Variants in SCN8A observed in about 807,000 individuals in gnomAD.
SCN8A encodes the protein sodium channel protein type 8 subunit alpha.
In SCN8A, 30 loss-of-function variants were observed where a neutral mutation model predicts 184.1. The ratio of observed to expected loss-of-function variants is 0.16; its 90% confidence interval spans 0.12 to 0.22. The LOEUF is 0.22. Among genes scored for constraint, SCN8A ranks in the 10% least tolerant of loss-of-function variants. SCN8A has a pLI of 1.00. For missense variants in SCN8A, 1,057 were observed against 2,498.9 expected, an observed-to-expected ratio of 0.42 and a Z score of 12.30; for synonymous variants, 852 against 907.0, an observed-to-expected ratio of 0.94 and a Z score of 1.09.
chr12:51,807,211 C>T lies in SCN8A; in HGVS notation c.5725C>T (p.His1909Tyr), dbSNP rs758646467. 2 of 1,613,946 alleles carry T rather than the reference C, an allele frequency of 1.2e-6. No homozygotes were observed. The highest frequency in any genetic ancestry group is 1.7e-6 in the Non-Finnish European group (2 of 1,179,888). ...AVVLQRAYRG[H>Y]LARRGFICKK... Reference sequence around the variant, plus strand: ...GGTCCTGCAGCGTGCCTACCGGGGACATTTGGCAAGGCGGGGCTTCATCTG... The same window carrying T: ...GGTCCTGCAGCGTGCCTACCGGGGATATTTGGCAAGGCGGGGCTTCATCTG... The change falls in exon 27 of 27, where the codon CAT (histidine) becomes TAT (tyrosine). Residue 1909 changes from histidine (H) to tyrosine (Y), a missense_variant. Transcript: ENST00000627620. The surrounding 1 kb of genome is among the most constrained non-coding windows in gnomAD (Gnocchi z 4.5).
At chr12:51,663,485 G>A (rs1164651426) in intron 2 of SCN8A, among the ~76,000 whole-genome samples, 1 of 152,200 alleles carries the variant, frequency 6.6e-6, no homozygotes, top group Non-Finnish European at 1.5e-5. Flanking sequence ...GAGTAGTGTG[G>A]TGGAGATGGT....
intron 20 of SCN8A, among the ~76,000 whole-genome samples, chr12:51,779,390 C>G (rs1044710001): frequency 2.6e-5 from 4 of 152,136 alleles, no homozygotes; most frequent in Non-Finnish European, 5.9e-5. Flanking sequence ...GGTAACTGCT[C>G]TGAGAGCTCT....
At chr12:51,724,750 A>G (rs1219846092) in intron 12 of SCN8A, among the ~76,000 whole-genome samples, 1 of 152,270 alleles carries the variant, frequency 6.6e-6, no homozygotes, top group Non-Finnish European at 1.5e-5. Flanking sequence ...AAGCCAAATA[A>G]TGCAGCTTGC....
At chr12:51,601,178 C>T (rs1939455827) in intron 1 of SCN8A, among the ~76,000 whole-genome samples, 1 of 152,186 alleles carries the variant, frequency 6.6e-6, no homozygotes, top group African/African-American at 2.4e-5. Context: ...TCCATAAACA[C>T]CACTTAACTG....
intron 2 of SCN8A, among the ~76,000 whole-genome samples, chr12:51,682,803 C>T (rs1941357717): frequency 6.6e-6 from 1 of 151,984 alleles, no homozygotes; most frequent in African/African-American, 2.4e-5. Flanking sequence ...TCTAGTAGGC[C>T]CTTGCATCTC....
intron 6 of SCN8A, among the ~76,000 whole-genome samples, chr12:51,697,570 G>T (rs1176864099): frequency 6.6e-6 from 1 of 152,180 alleles, no homozygotes; most frequent in African/African-American, 2.4e-5. Flanking sequence ...TATGAGGTTA[G>T]CCCTGAGCAG....
At position 51,799,139 on chromosome 12, in the gene SCN8A, T is replaced by C. The variant is rs565557882; in HGVS notation, c.4795+4498T>C. Among the ~76,000 whole-genome samples, 14 of 152,294 alleles carry C rather than the reference T, an allele frequency of 9.2e-5. No homozygotes were observed. The South Asian group carries it at 2.9e-3, about 32-fold the overall frequency. ...CTTCTCTTCTTCTGTCAGTTGATCA[T>C]AGCGAACTCCCCATGAGGCCATCTC... On this transcript the variant is annotated intron_variant, in intron 26 of 26. Coordinates refer to ENST00000627620, the MANE Select transcript of SCN8A (RefSeq NM_001330260.2).
intron 12 of SCN8A, among the ~76,000 whole-genome samples, chr12:51,735,435 A>G (rs890832757): frequency 2.6e-5 from 4 of 152,146 alleles, no homozygotes; most frequent in African/African-American, 9.7e-5. Context: ...GGTATGCCTC[A>G]ATTATAGGAG....
chr12:51,622,775 G>C (rs780890978), intron 1 of SCN8A, among the ~76,000 whole-genome samples: 15 of 152,102 alleles, frequency 9.9e-5, no homozygotes, highest in Non-Finnish European at 2.2e-4. Context: ...GCCCACGCTT[G>C]GGGGAGGAGG....
At chr12:51,782,611 A>C (rs1451658191) in intron 21 of SCN8A, among the ~76,000 whole-genome samples, 6 of 152,172 alleles carry the variant, frequency 3.9e-5, no homozygotes, top group African/African-American at 1.4e-4. Context: ...ATCCCCCTAC[A>C]AAAGAAATGC....
intron 20 of SCN8A, among the ~76,000 whole-genome samples, chr12:51,779,537 ATGT>A (rs1937830724): frequency 6.6e-6 from 1 of 152,120 alleles, no homozygotes. Flanking sequence ...TCCTGTTGGA[ATGT>A]TGTTGTGTAA....
chr12:51,769,107 C>T lies in SCN8A; in HGVS notation c.3144C>T (p.His1048=), dbSNP rs2138868606. ...AGAAGGCCAACTGTATCGCCAATCA[C>T]ACCGGTGCAGACATCCACCGGAATG... ...YEKKANCIAN[H]TGADIHRNGD... Residue 1048 remains histidine, a synonymous_variant, in exon 17 of 27, where the codon CAC becomes CAT. Transcript: ENST00000627620. 3 of 1,613,614 alleles carry T rather than the reference C, an allele frequency of 1.9e-6. No homozygotes were observed. Among genetic ancestry groups the T allele is most frequent in the Non-Finnish European group, 2.5e-6 (3 of 1,179,716 alleles).
chr12:51,712,246 A>C (rs763346839), intron 11 of SCN8A, among the ~76,000 whole-genome samples: 1 of 152,236 alleles, frequency 6.6e-6, no homozygotes, highest in Non-Finnish European at 1.5e-5. Context: ...CAATAGCTGC[A>C]CTTCCTGCAA....
In SCN8A at chr12:51,806,678, G is replaced by C; in HGVS notation, c.5192G>C (p.Gly1731Ala). The change falls in exon 27 of 27, where the codon GGC becomes GCC. Residue 1731 changes from glycine to alanine, a missense_variant. This residue lies in a region of SCN8A where 21 missense variants were observed against 42.3 expected (regional missense o/e 0.50). Transcript: ENST00000627620. The surrounding 1 kb of genome is among the most constrained non-coding windows in gnomAD (Gnocchi z 8.7). The part of the protein sequence containing the change: ...CSLDKEHPGS[G>A]FKGDCGNPSV... ...CTAGATAAGGAACACCCAGGGAGTG[G>C]CTTTAAGGGAGATTGTGGGAACCCC... 6.2e-7 allele frequency: 1 copy of C among 1,614,152 alleles called. No homozygotes were observed. Among genetic ancestry groups the C allele is most frequent in the Non-Finnish European group, 8.5e-7 (1 of 1,180,016 alleles).
At chr12:51,677,805 A>G (rs1482052098) in intron 2 of SCN8A, among the ~76,000 whole-genome samples, 1 of 152,210 alleles carries the variant, frequency 6.6e-6, no homozygotes, top group African/African-American at 2.4e-5. Context: ...GTGCTGAAAC[A>G]CATTCAGTGG....
intron 19 of SCN8A, among the ~76,000 whole-genome samples, chr12:51,771,758 CACA>C: frequency 6.6e-6 from 1 of 152,220 alleles, no homozygotes. Context: ...CGAGCATTCA[CACA>C]ACACTTCCTG....
Position 51,706,696 on chromosome 12 carries a change from A to C in SCN8A, c.1616A>C (p.Lys539Thr). 2 of 1,546,876 alleles carry C rather than the reference A, an allele frequency of 1.3e-6. No individual in the cohort carries two copies. The highest frequency in any genetic ancestry group is 1.7e-6 in the Non-Finnish European group (2 of 1,152,378). The change falls in exon 11 of 27, where the codon AAA (lysine) becomes ACA (threonine). Residue 539 changes from lysine to threonine, a missense_variant. Lys to Thr is a moderately conservative substitution (Grantham distance 78). Transcript: ENST00000627620. ...CTGCCAGACAACAGAATAGGGAGGA[A>C]ATTTTCCATCATGAATCAGGTAAAC... The part of the protein sequence containing the change: ...FRLPDNRIGR[K>T]FSIMNQSLLS...
chr12:51,752,682 T>C (rs1418162071), intron 14 of SCN8A, among the ~76,000 whole-genome samples: 7 of 152,092 alleles, frequency 4.6e-5, no homozygotes, highest in Admixed American at 4.6e-4. Flanking sequence ...CCCGGAGTCT[T>C]GAAATGGGAC....
At chr12:51,712,328 C>G in intron 11 of SCN8A, 1 of 579,380 alleles carries the variant, frequency 1.7e-6, no homozygotes, top group South Asian at 2.1e-5. Context: ...GACTATGGAT[C>G]ATCCTTCCTT....
Sources: gnomAD v4.1 joint callset for allele counts (sites outside exome capture counted in the v4.1 genomes callset) on GRCh38, gnomAD v4.1.1 for gene constraint, gnomAD v4.1.1 regional missense constraint, Gnocchi (gnomAD v3.1) non-coding constraint, MANE v1.5 for transcripts, NCBI Gene and HGNC (gene_info 2026-07-23, HGNC 2026-07-21) for gene names.